KLHL25: variants seen among roughly 807,000 people sequenced by gnomAD.
KLHL25 encodes the protein kelch-like protein 25.
A neutral mutation model predicts 30.0 loss-of-function variants in KLHL25; 41 were observed. The ratio of observed to expected loss-of-function variants is 1.37; its 90% CI spans 1.07 to 1.78. The LOEUF (loss-of-function observed/expected upper bound fraction) is 1.78. Among genes scored for constraint, KLHL25 ranks in the 40% most tolerant of loss-of-function variants. The pLI is 0.00. For synonymous variants in KLHL25, 399 were observed against 355.3 expected (o/e 1.12, Z -1.38); for missense variants, 971 against 824.5 (o/e 1.18, Z -2.18).
In KLHL25 at chr15:85,784,304, G is replaced by A. The variant is rs373114826; in HGVS notation, c.-11+10462C>T. On this transcript the variant is annotated intron_variant, in intron 1 of 2. Coordinates refer to ENST00000337975, the MANE Select transcript of KLHL25 (RefSeq NM_022480.4). ...TGCACTTTGGGAGGCCAAGGCAGGC[G>A]GATCACCGGAGGTCAGGAGTTCGAG... Among the ~76,000 whole-genome samples the A allele has an allele frequency of 7.2e-5, 11 of 152,230 alleles. No homozygotes were observed. The East Asian group carries it at 1.4e-3, about 19-fold the overall frequency.
In KLHL25 at chr15:85,772,954, C is replaced by T. The variant is rs79847379; in HGVS notation, c.-10-3134G>A. 1.1e-4 allele frequency among the ~76,000 whole-genome samples: 16 copies of T among 152,364 alleles called. No homozygotes were observed. In the East Asian group the frequency reaches 2.7e-3, roughly 26 times the overall value. ...GCGGAAGCACCTGCCTAGTTGTTTC[C>T]CCGGTTTGTCCCATCTCCTTCTGGG... On this transcript the variant is annotated intron_variant, in intron 1 of 2. Coordinates refer to ENST00000337975, the MANE Select transcript of KLHL25 (RefSeq NM_022480.4).
intron 2 of KLHL25, chr15:85,762,363 G>T (rs985716184): frequency 6.6e-6 from 1 of 152,444 alleles, no homozygotes; most frequent in African/African-American, 2.4e-5. Flanking sequence ...AAGGCACCCT[G>T]AGTTGCTGAA....
At chr15:85,765,862 T>G (rs1044055282) in intron 2 of KLHL25, among the ~76,000 whole-genome samples, 38 of 145,834 alleles carry the variant, frequency 2.6e-4, no homozygotes, top group East Asian at 6.1e-4. Context: ...AAAAGAAAAA[T>G]AAAAGAAAAA....
intron 1 of KLHL25, among the ~76,000 whole-genome samples, chr15:85,783,908 G>A (rs1408735756): frequency 4.9e-4 from 74 of 152,244 alleles, no homozygotes; most frequent in Non-Finnish European, 8.8e-5. Context: ...GAAATTCTCT[G>A]AGACTCAGTT....
rs1196189875 is a variant in KLHL25, at chr15:85,789,402, A to C, written c.-11+5364T>G. 1.4e-5 allele frequency among the ~76,000 whole-genome samples: 2 copies of C among 144,016 alleles called. No homozygotes were observed. The highest frequency in any genetic ancestry group is 5.1e-5 in the African/African-American group (2 of 38,930). 94.5% of individuals were successfully genotyped at this position (144,016 alleles called of 152,430 possible). ...CTTGAGATCCCTTTTTTTTTTTTTG[A>C]CAGAATTTTACTCTGTTGCCCAGGC... On this transcript the variant is annotated intron_variant, in intron 1 of 2. Transcript: ENST00000337975. This position sits in a 1 kb window ranked among gnomAD's most constrained non-coding sequence, Gnocchi z 4.1.
chr15:85,789,983 CCT>C lies in KLHL25; in HGVS notation c.-11+4781_-11+4782del, dbSNP rs1199447377. Among the ~76,000 whole-genome samples, 2 of 152,320 alleles carry C rather than the reference CCT, an allele frequency of 1.3e-5. No individual in the cohort carries two copies. The highest frequency in any genetic ancestry group is 2.1e-4 in the South Asian group (1 of 4,830). On this transcript the variant is annotated intron_variant, in intron 1 of 2. Transcript: ENST00000337975. The surrounding 1 kb of genome is among the most constrained non-coding windows in gnomAD (Gnocchi z 4.1). ...AAACTAGGAGCTTGCCTACGTCACC[CCT>C]CTCACTCTACAGGTGAAAAAACTAG... is the stretch of plus-strand genomic sequence containing the variant.
intron 2 of KLHL25, chr15:85,764,406 G>C (rs1044040643): frequency 6.5e-6 from 1 of 152,734 alleles, no homozygotes; most frequent in Admixed American, 6.5e-5. Flanking sequence ...GAAGCAGCTG[G>C]AACGCAAGGC....
intron 1 of KLHL25, among the ~76,000 whole-genome samples, chr15:85,774,814 G>A (rs570048469): frequency 1.5e-4 from 23 of 151,866 alleles, no homozygotes; most frequent in African/African-American, 4.8e-4. Context: ...AAGCCAATCC[G>A]TATGGCCCCC....
At chr15:85,781,389 C>T (rs1448023511) in intron 1 of KLHL25, among the ~76,000 whole-genome samples, 2 of 152,226 alleles carry the variant, frequency 1.3e-5, no homozygotes, top group Non-Finnish European at 2.9e-5. Context: ...TTTAGTATTA[C>T]CACAAAAATA....
chr15:85,778,587 G>T (rs191633234), intron 1 of KLHL25, among the ~76,000 whole-genome samples: 2 of 152,188 alleles, frequency 1.3e-5, no homozygotes, highest in South Asian at 2.1e-4. Context: ...CGCAAGGAGT[G>T]GGGGCAGAGC....
intron 1 of KLHL25, among the ~76,000 whole-genome samples, chr15:85,787,641 A>T (rs146237272): frequency 7.2e-5 from 11 of 152,356 alleles, no homozygotes; most frequent in African/African-American, 2.6e-4. Flanking sequence ...ATGAGGCATT[A>T]CCTAAAGTCT....
At chr15:85,780,358 G>C (rs35703419) in intron 1 of KLHL25, among the ~76,000 whole-genome samples, 2 of 152,218 alleles carry the variant, frequency 1.3e-5, no homozygotes, top group African/African-American at 4.8e-5. Flanking sequence ...GAGGGGCAGC[G>C]AGATTGGCTC....
At chr15:85,774,555 G>C (rs889536762) in intron 1 of KLHL25, among the ~76,000 whole-genome samples, 10 of 152,230 alleles carry the variant, frequency 6.6e-5, no homozygotes, top group African/African-American at 2.4e-4. Flanking sequence ...CCTATCCTGA[G>C]AGAAATAGGA....
chr15:85,786,887 C>T (rs750449217), intron 1 of KLHL25, among the ~76,000 whole-genome samples: 11 of 152,158 alleles, frequency 7.2e-5, no homozygotes, highest in Non-Finnish European at 1.2e-4. Flanking sequence ...GGAATGTTTT[C>T]CCATGCAAAA....
chr15:85,767,253 T>A (rs147973404), intron 2 of KLHL25, among the ~76,000 whole-genome samples: 6,128 of 152,224 alleles, frequency 0.04, 166 homozygotes, highest in Middle Eastern at 0.071. Context: ...CCTCTCAAAG[T>A]GCTGGGGTTA....
At chr15:85,774,895 G>A (rs1357537351) in intron 1 of KLHL25, among the ~76,000 whole-genome samples, 1 of 73,242 alleles carries the variant, frequency 1.4e-5, no homozygotes, top group Non-Finnish European at 3.3e-5. Context: ...TTTTTTTTTT[G>A]AGACGGAGTC....
intron 1 of KLHL25, among the ~76,000 whole-genome samples, chr15:85,783,799 C>A (rs567614363): frequency 6.6e-6 from 1 of 152,082 alleles, no homozygotes; most frequent in South Asian, 2.1e-4. Flanking sequence ...ATTGCAGATA[C>A]CGACCTTGGG....
intron 1 of KLHL25, among the ~76,000 whole-genome samples, 195 bp downstream of exon 1, chr15:85,794,571 G>C (rs1167007948): frequency 1.3e-5 from 2 of 152,148 alleles, no homozygotes; most frequent in African/African-American, 4.8e-5. Context: ...CGGGGTGCCG[G>C]CCGGCCGCCG....
At chr15:85,776,163 ACT>A (rs2089707785) in intron 1 of KLHL25, among the ~76,000 whole-genome samples, 1 of 107,074 alleles carries the variant, frequency 9.3e-6, no homozygotes, top group African/African-American at 3.7e-5. Context: ...ACAGAGCGAG[ACT>A]CTGTCTCAAA....
Sources: allele counts gnomAD v4.1 joint callset (sites outside exome capture counted in the v4.1 genomes callset), GRCh38; gene constraint gnomAD v4.1.1; non-coding constraint Gnocchi (gnomAD v3.1); transcripts MANE v1.5; gene names NCBI Gene and HGNC (gene_info 2026-07-23, HGNC 2026-07-21).